F10: variants seen among roughly 807,000 people sequenced by gnomAD.
The protein encoded by F10 is Stuart-Prower factor.
A neutral mutation model predicts 37.1 loss-of-function variants in F10; 29 were observed. The observed-to-expected ratio is 0.78, with a 90% CI of 0.58 to 1.07. The LOEUF (loss-of-function observed/expected upper bound fraction) is 1.07. Among genes scored for constraint, F10 ranks in the 50% least tolerant of loss-of-function variants. The pLI, the probability that F10 is intolerant of heterozygous loss-of-function variation, is 0.00. For missense variants in F10, 539 were observed against 667.9 expected, an observed-to-expected ratio of 0.81 and a Z score of 2.13; for synonymous variants, 262 against 268.6, an observed-to-expected ratio of 0.98 and a Z score of 0.24.
chr13:113,123,435 C>T (rs940648715), intron 1 of F10, among the ~76,000 whole-genome samples: 1 of 152,192 alleles, frequency 6.6e-6, no homozygotes, highest in Non-Finnish European at 1.5e-5. Flanking sequence ...GCCTAATGCA[C>T]AGCTGGACAG....
intron 6 of F10, among the ~76,000 whole-genome samples, chr13:113,145,233 C>T (rs960917689): frequency 2.0e-5 from 3 of 152,114 alleles, no homozygotes; most frequent in Non-Finnish European, 2.9e-5. Flanking sequence ...ACCATGTTGG[C>T]CAGGCTGGTC....
intron 5 of F10, among the ~76,000 whole-genome samples, chr13:113,142,353 A>T (rs987094228): frequency 6.6e-6 from 1 of 150,678 alleles, no homozygotes; most frequent in Non-Finnish European, 1.5e-5. Context: ...CATCCTGGCC[A>T]ACACAGTGAA....
At chr13:113,147,551 T>G in intron 7 of F10, 55 bp downstream of exon 7, 2 of 1,056,000 alleles carry the variant, frequency 1.9e-6, no homozygotes, top group Non-Finnish European at 1.5e-6. Flanking sequence ...ACTGTCTGCT[T>G]TTCAGAAACC....
At chr13:113,145,544 G>A (rs764784908) in intron 6 of F10, among the ~76,000 whole-genome samples, 1 of 152,174 alleles carries the variant, frequency 6.6e-6, no homozygotes, top group Non-Finnish European at 1.5e-5. Flanking sequence ...ATTATTTGCT[G>A]TTTATCTGAT....
Position 113,148,345 on chromosome 13 carries a change from A to AAAATATATATATATATATATAT in F10, c.866-570_866-569insAATATATATATATATATATATA, listed in dbSNP as rs1300922846. Among the ~76,000 whole-genome samples the AAAATATATATATATATATATAT allele has an allele frequency of 8.4e-5, 8 of 95,410 alleles. No individual in the cohort carries two copies. In the East Asian group the frequency reaches 2.6e-3, roughly 31 times the overall value. 62.6% of individuals were successfully genotyped at this position (95,410 alleles called of 152,430 possible). A position where few individuals can be genotyped will look rare whatever the true frequency, so the allele number is the denominator to read the frequency against. ...AACTCTGTCTCAAAAAAAAAAAAAAAATATATATATATATATATGTATATA... is the reference window on the plus strand; with the variant it reads ...AACTCTGTCTCAAAAAAAAAAAAAAAAAATATATATATATATATATATATATATATATATATATATGTATATA... On this transcript the variant is annotated intron_variant, in intron 7 of 7. Coordinates refer to ENST00000375559, the MANE Select transcript of F10 (RefSeq NM_000504.4).
intron 2 of F10, among the ~76,000 whole-genome samples, chr13:113,136,455 T>TA: frequency 6.6e-6 from 1 of 152,050 alleles, no homozygotes; most frequent in East Asian, 1.9e-4. Flanking sequence ...AGTCTTTTTT[T>TA]TTTTTTTTAA....
In F10 at chr13:113,146,412, G is replaced by C. The variant is rs45484091; in HGVS notation, c.748-967G>C. 6.6e-6 allele frequency among the ~76,000 whole-genome samples: 1 copy of C among 152,150 alleles called. No individual in the cohort carries two copies. Among genetic ancestry groups the C allele is most frequent in the African/African-American group, 2.4e-5 (1 of 41,436 alleles). On this transcript the variant is annotated intron_variant, in intron 6 of 7. Coordinates refer to ENST00000375559, the MANE Select transcript of F10 (RefSeq NM_000504.4). This position sits in a 1 kb window ranked among gnomAD's most constrained non-coding sequence, Gnocchi z 4.5. Reference sequence around the variant, plus strand: ...TGGAGCTGCAGGCGGGGTTTTGGAGGGGTTCCTGGGCTGGGGGACCAGGGT... The same window carrying C: ...TGGAGCTGCAGGCGGGGTTTTGGAGCGGTTCCTGGGCTGGGGGACCAGGGT...
intron 2 of F10, among the ~76,000 whole-genome samples, chr13:113,135,485 C>T (rs2036470737): frequency 6.6e-6 from 1 of 152,180 alleles, no homozygotes; most frequent in African/African-American, 2.4e-5. Flanking sequence ...GTATCCTCAC[C>T]TGACAGAAGG....
In F10 at chr13:113,146,118, C is replaced by A. The variant is rs1157858996; in HGVS notation, c.748-1261C>A. 6.6e-6 allele frequency among the ~76,000 whole-genome samples: 1 copy of A among 152,090 alleles called. No homozygotes were observed. The highest frequency in any genetic ancestry group is 1.5e-5 in the Non-Finnish European group (1 of 68,036). ...CTCTGTCTAACTATAAAGAGCCAAG[C>A]GAGAGAGGGATGCACTGAGGTGGCT... On this transcript the variant is annotated intron_variant, in intron 6 of 7. Coordinates refer to ENST00000375559, the MANE Select transcript of F10 (RefSeq NM_000504.4). The surrounding 1 kb of genome is among the most constrained non-coding windows in gnomAD (Gnocchi z 4.5).
chr13:113,144,100 CAG>C lies in F10; in HGVS notation c.747+6_747+7del, dbSNP rs2036559027. On this transcript the variant is annotated splice_donor_region_variant and intron_variant, in intron 6 of 7. Coordinates refer to ENST00000375559, the MANE Select transcript of F10 (RefSeq NM_000504.4). The surrounding 1 kb of genome is among the most constrained non-coding windows in gnomAD (Gnocchi z 6.4). ...GACGGGGAGTGTCCCTGGCAGGTAA[CAG>C]TAGGATGTCCCCTCGGGCCTGCTGG... 6.2e-7 allele frequency: 1 copy of C among 1,613,538 alleles called. No individual in the cohort carries two copies. Among genetic ancestry groups the C allele is most frequent in the South Asian group, 1.1e-5 (1 of 91,088 alleles).
intron 1 of F10, among the ~76,000 whole-genome samples, chr13:113,126,527 C>T (rs1490695360): frequency 6.6e-6 from 1 of 152,086 alleles, no homozygotes; most frequent in Non-Finnish European, 1.5e-5. Flanking sequence ...ACAGTGAGGG[C>T]GTCAGGCTCC....
Position 113,129,607 on chromosome 13 carries a change from A to C in F10, c.226A>C (p.Lys76Gln). 6.2e-7 allele frequency: 1 copy of C among 1,614,164 alleles called. No homozygotes were observed. Among genetic ancestry groups the C allele is most frequent in the African/African-American group, 1.3e-5 (1 of 75,068 alleles). ...EAREVFEDSD[K>Q]TNEFWNKYKD... is the part of the protein sequence containing the mutation. ...CCGCGAGGTCTTTGAGGACAGCGAC[A>C]AGACGGTAAGGGCTGGGGATAGCCT... The change falls in exon 2 of 8, where the codon AAG becomes CAG. Residue 76 changes from lysine to glutamine, a missense_variant. Transcript: ENST00000375559.
In F10 at chr13:113,129,434, G is replaced by A. The variant is rs1328340301; in HGVS notation, c.71-18G>A. On this transcript the variant is annotated intron_variant, in intron 1 of 7. Transcript: ENST00000375559. ...GAGGGTGACCAGAGCTTTTAACCCT[G>A]TCCTCCCTGCCTTCCAGTGTTCATC... 1.2e-6 allele frequency: 2 copies of A among 1,605,128 alleles called. No homozygotes were observed. The highest frequency in any genetic ancestry group is 1.7e-6 in the Non-Finnish European group (2 of 1,175,184).
At chr13:113,127,916 G>A (rs964385805) in intron 1 of F10, among the ~76,000 whole-genome samples, 3 of 152,120 alleles carry the variant, frequency 2.0e-5, no homozygotes. Flanking sequence ...CCTAGGGAGG[G>A]AGAATTCAAG....
At chr13:113,132,819 AATTCCTCAAGGTAGACT>A (rs2036446301) in intron 2 of F10, among the ~76,000 whole-genome samples, 1 of 152,240 alleles carries the variant, frequency 6.6e-6, no homozygotes, top group African/African-American at 2.4e-5. Flanking sequence ...ACATATGGAA[AATTCCTCAAGGTAGACT>A]ATATCCTGTG....
chr13:113,124,681 G>C (rs2036353822), intron 1 of F10, among the ~76,000 whole-genome samples: 1 of 152,246 alleles, frequency 6.6e-6, no homozygotes, highest in African/African-American at 2.4e-5. Context: ...AACGAGCACA[G>C]CTGTCCTGGC....
Position 113,141,482 on chromosome 13 carries a change from G to A in F10, c.502+432G>A, listed in dbSNP as rs776898. ...CCGAGGAACTGGAGCTAAGGTGCGG[G>A]GCTGGGATAGGAGTCAGGGGACGCT... On this transcript the variant is annotated intron_variant, in intron 5 of 7. Transcript: ENST00000375559. This position sits in a 1 kb window ranked among gnomAD's most constrained non-coding sequence, Gnocchi z 5.4. Among the ~76,000 whole-genome samples, 15,590 of 152,264 alleles carry A rather than the reference G, an allele frequency of 0.1. 960 individuals are homozygous for A. Among genetic ancestry groups the A allele is most frequent in the South Asian group, 0.21 (1,036 of 4,824 alleles).
chr13:113,122,818 G>C lies in F10; in HGVS notation c.-38G>C. 6.2e-7 allele frequency: 1 copy of C among 1,605,858 alleles called. No individual in the cohort carries two copies. Among genetic ancestry groups the C allele is most frequent in the Non-Finnish European group, 8.5e-7 (1 of 1,179,192 alleles). On this transcript the variant is annotated 5_prime_UTR_variant, in exon 1 of 8. Transcript: ENST00000375559. ...GGCGTGGACTTTGCTCCAGCAGCCT[G>C]TCCCAGTGAGGACAGGGACACAGTA... is the stretch of plus-strand genomic sequence containing the variant.
In F10 at chr13:113,129,629, G is replaced by C. The variant is rs2036408719; in HGVS notation, c.231+17G>C. 1.9e-6 allele frequency: 3 copies of C among 1,613,802 alleles called. No individual in the cohort carries two copies. Among genetic ancestry groups the C allele is most frequent in the Non-Finnish European group, 2.5e-6 (3 of 1,179,976 alleles). The stretch of plus-strand genomic sequence containing the variant: ...GACAAGACGGTAAGGGCTGGGGATA[G>C]CCTGGCTGTTGGTAAGGAGCTCAGG... On this transcript the variant is annotated intron_variant, in intron 2 of 7. Transcript: ENST00000375559.
Sources: gnomAD v4.1 joint callset for allele counts (sites outside exome capture counted in the v4.1 genomes callset) on GRCh38, gnomAD v4.1.1 for gene constraint, Gnocchi (gnomAD v3.1) non-coding constraint, MANE v1.5 for transcripts, NCBI Gene and HGNC (gene_info 2026-07-23, HGNC 2026-07-21) for gene names.